The following CRTC3 variants were observed in gnomAD, a reference collection of about 807,000 sequenced individuals.
CRTC3 encodes the protein CREB-regulated transcription coactivator 3.
CRTC3 carries 26 observed loss-of-function variants against 74.5 expected under a neutral mutation model. That is an observed-to-expected ratio of 0.35 (90% CI 0.26 to 0.48). CRTC3 has a LOEUF of 0.48. Among genes scored for constraint, CRTC3 ranks in the 20% least tolerant of loss-of-function variants. The pLI, the probability that CRTC3 is intolerant of heterozygous loss-of-function variation, is 0.99. For missense variants in CRTC3, 760 were observed against 787.3 expected (o/e 0.97, Z 0.41); for synonymous variants, 377 against 325.8 (o/e 1.16, Z -1.69).
At chr15:90,539,478 C>T (rs2151055774) in intron 1 of CRTC3, 1 of 152,416 alleles carries the variant, frequency 6.6e-6, no homozygotes, top group South Asian at 2.1e-4. Context: ...CCAAAAGGCC[C>T]ATATCCAGAG....
intron 2 of CRTC3, among the ~76,000 whole-genome samples, chr15:90,541,040 C>G (rs560284073): frequency 1.6e-4 from 24 of 152,298 alleles, no homozygotes; most frequent in African/African-American, 5.8e-4. Context: ...TAGATTACTG[C>G]AGTGTCCTCG....
At chr15:90,614,238 G>C (rs1596126217) in intron 6 of CRTC3, 2 of 486,750 alleles carry the variant, frequency 4.1e-6, no homozygotes, top group East Asian at 6.9e-5. Context: ...CAATTTTAAA[G>C]GAAAAGAAAA....
In CRTC3 at chr15:90,626,611, C is replaced by CTTTTTTTTTTTT. The variant is rs922457681; in HGVS notation, c.967+625_967+636dup. On this transcript the variant is annotated intron_variant, in intron 10 of 14. Coordinates refer to ENST00000268184, the MANE Select transcript of CRTC3 (RefSeq NM_022769.5). ...GACTACATTTGTTTGAAGCCTGACA[C>CTTTTTTTTTTTT]TTTTTTTTTTTTTTTTTTGAGATGG... Among the ~76,000 whole-genome samples the CTTTTTTTTTTTT allele has an allele frequency of 2.8e-3, 374 of 133,334 alleles. 8 individuals carry two copies. The highest frequency in any genetic ancestry group is 0.01 in the African/African-American group (356 of 34,092). The allele number at this position is 133,334 out of a possible 152,430, so 87.5% of individuals were successfully genotyped here.
In CRTC3 at chr15:90,530,887, C is replaced by G. The variant is rs751560594; in HGVS notation, c.132+684C>G. ...CTGGAGGAATGAGTAAGGCGCGAGC[C>G]GGGACAAACACCTGGAGAGGTTAGG... On this transcript the variant is annotated intron_variant, in intron 1 of 14. Coordinates refer to ENST00000268184, the MANE Select transcript of CRTC3 (RefSeq NM_022769.5). This position sits in a 1 kb window ranked among gnomAD's most constrained non-coding sequence, Gnocchi z 6.2. 1 of 152,656 alleles carries G rather than the reference C, an allele frequency of 6.6e-6. No individual in the cohort carries two copies. Among genetic ancestry groups the G allele is most frequent in the East Asian group, 1.9e-4 (1 of 5,220 alleles). The allele number at this position is 152,656 out of a possible 1,614,324, so 9.5% of individuals were successfully genotyped here. A position where few individuals can be genotyped will look rare whatever the true frequency, so the allele number is the denominator to read the frequency against.
At position 90,638,818 on chromosome 15, in the gene CRTC3, G is replaced by A; in HGVS notation, c.1548+3G>A. Reference sequence around the variant, plus strand: ...CAGGCCCTGCCTTTCCTCAACAGGTGGGTGATCGCCCCTGCCTTCTCCTCC... The same window carrying A: ...CAGGCCCTGCCTTTCCTCAACAGGTAGGTGATCGCCCCTGCCTTCTCCTCC... On this transcript the variant is annotated splice_donor_region_variant and intron_variant, in intron 13 of 14. Coordinates refer to ENST00000268184, the MANE Select transcript of CRTC3 (RefSeq NM_022769.5). 6.2e-7 allele frequency: 1 copy of A among 1,612,892 alleles called. No homozygotes were observed. Among genetic ancestry groups the A allele is most frequent in the Non-Finnish European group, 8.5e-7 (1 of 1,178,956 alleles).
intron 2 of CRTC3, among the ~76,000 whole-genome samples, chr15:90,591,475 C>T (rs868656844): frequency 2.0e-5 from 3 of 152,082 alleles, no homozygotes; most frequent in East Asian, 1.9e-4. Context: ...CTTTTGGGAA[C>T]GCCTTCTAAA....
intron 4 of CRTC3, among the ~76,000 whole-genome samples, chr15:90,603,347 G>A (rs1025826512): frequency 8.6e-5 from 13 of 151,210 alleles, no homozygotes; most frequent in African/African-American, 2.7e-4. Flanking sequence ...GGAGGCTGAG[G>A]CAGGAGAATG....
In CRTC3 at chr15:90,624,174, C is replaced by A. The variant is rs570947901; in HGVS notation, c.750-1602C>A. 5.3e-5 allele frequency among the ~76,000 whole-genome samples: 8 copies of A among 152,208 alleles called. No individual in the cohort carries two copies. The South Asian group carries it at 1.7e-3, about 32-fold the overall frequency. On this transcript the variant is annotated intron_variant, in intron 9 of 14. Coordinates refer to ENST00000268184, the MANE Select transcript of CRTC3 (RefSeq NM_022769.5). ...ATGTGTGCAGGAGGGAATGAAGTGT[C>A]CTCAGGATTCGTGACTTCCCTCTGC... is the stretch of plus-strand genomic sequence containing the variant.
chr15:90,624,884 CAG>C (rs1305179346), intron 9 of CRTC3: 1 of 152,728 alleles, frequency 6.5e-6, no homozygotes, highest in Non-Finnish European at 1.5e-5. Flanking sequence ...AGGGTGTGGA[CAG>C]AGTTTGGCTG....
chr15:90,641,986 C>A lies in CRTC3; in HGVS notation c.1706C>A (p.Pro569His). 6.2e-7 allele frequency: 1 copy of A among 1,613,844 alleles called. No homozygotes were observed. Among genetic ancestry groups the A allele is most frequent in the Non-Finnish European group, 8.5e-7 (1 of 1,179,978 alleles). ...KDLNSALAGL[P>H]EVSLNVDTPF... Reference sequence around the variant, plus strand: ...CTCAACAGTGCGCTGGCAGGCCTGCCTGAGGTCAGCCTGAACGTGGACACT... The same window carrying A: ...CTCAACAGTGCGCTGGCAGGCCTGCATGAGGTCAGCCTGAACGTGGACACT... The change falls in exon 15 of 15, where the codon CCT becomes CAT. Residue 569 changes from proline (P) to histidine (H), a missense_variant. By Grantham distance (77) the Pro-to-His change is moderately conservative. This residue lies in a region of CRTC3 where 652 missense variants were observed against 635.2 expected (regional missense o/e 1.03). Coordinates refer to ENST00000268184, the MANE Select transcript of CRTC3 (RefSeq NM_022769.5).
intron 2 of CRTC3, among the ~76,000 whole-genome samples, chr15:90,589,911 C>T (rs1364986773): frequency 1.3e-5 from 2 of 151,930 alleles, no homozygotes; most frequent in African/African-American, 4.8e-5. Context: ...CGCTTGAACC[C>T]AGGAGGCAGA....
chr15:90,623,634 G>A (rs779630685), intron 9 of CRTC3, among the ~76,000 whole-genome samples: 18 of 151,948 alleles, frequency 1.2e-4, no homozygotes, highest in South Asian at 2.1e-4. Flanking sequence ...GGCCTGCTCC[G>A]TGCACCCCAA....
intron 6 of CRTC3, among the ~76,000 whole-genome samples, chr15:90,613,268 C>G (rs952307230): frequency 2.0e-5 from 3 of 151,902 alleles, no homozygotes; most frequent in Admixed American, 2.0e-4. Context: ...GGGTTGGGCC[C>G]AAGAATCTGC....
Position 90,563,030 on chromosome 15 carries a change from G to A in CRTC3, c.231+22893G>A, listed in dbSNP as rs929613416. On this transcript the variant is annotated intron_variant, in intron 2 of 14. Coordinates refer to ENST00000268184, the MANE Select transcript of CRTC3 (RefSeq NM_022769.5). The stretch of plus-strand genomic sequence containing the variant: ...TCATTCATGAAATTGCTCAAGAGAC[G>A]CTTTCTACCAGTCCGTGCCTGCTTA... Among the ~76,000 whole-genome samples the A allele has an allele frequency of 2.6e-5, 4 of 152,188 alleles. No homozygotes were observed. In the East Asian group the frequency reaches 7.7e-4, roughly 29 times the overall value.
At chr15:90,634,874 A>G in intron 11 of CRTC3, 1 of 1,555,870 alleles carries the variant, frequency 6.4e-7, no homozygotes, top group East Asian at 2.2e-5. Context: ...TCACTGTTGG[A>G]TCGGGTTCTA....
At chr15:90,605,454 C>T (rs1469660440) in intron 5 of CRTC3, among the ~76,000 whole-genome samples, 3 of 152,110 alleles carry the variant, frequency 2.0e-5, no homozygotes, top group African/African-American at 7.2e-5. Context: ...TTAAGGCCGA[C>T]GAGAACCTTT....
chr15:90,536,761 A>T (rs1966726286), intron 1 of CRTC3, among the ~76,000 whole-genome samples: 1 of 152,224 alleles, frequency 6.6e-6, no homozygotes, highest in South Asian at 2.1e-4. Context: ...TGGAGGGGCC[A>T]GGAATGAGAT....
chr15:90,556,972 A>G (rs1026285781), intron 2 of CRTC3, among the ~76,000 whole-genome samples: 1 of 17,984 alleles, frequency 5.6e-5, no homozygotes, highest in African/African-American at 9.3e-5. Flanking sequence ...ATATATATAT[A>G]TATATATATA....
intron 7 of CRTC3, among the ~76,000 whole-genome samples, chr15:90,616,978 C>T (rs972400558): frequency 2.0e-5 from 3 of 152,174 alleles, no homozygotes; most frequent in African/African-American, 7.2e-5. Flanking sequence ...ATCGTTGTTG[C>T]AGGTTCTCTC....
Sources: allele counts gnomAD v4.1 joint callset (sites outside exome capture counted in the v4.1 genomes callset), GRCh38; gene constraint gnomAD v4.1.1; regional missense constraint gnomAD v4.1.1; non-coding constraint Gnocchi (gnomAD v3.1); transcripts MANE v1.5; gene names NCBI Gene and HGNC (gene_info 2026-07-23, HGNC 2026-07-21).